CCSER1: variants seen among roughly 807,000 people sequenced by gnomAD.
CCSER1 encodes coiled-coil serine rich protein 1.
In CCSER1, 41 loss-of-function variants were observed where a neutral mutation model predicts 82.0. That is an observed-to-expected ratio of 0.50 (90% CI 0.39 to 0.65). The LOEUF is 0.65. CCSER1 is among the 30% of genes least tolerant of loss of function. CCSER1 has a pLI of 0.00. For missense variants in CCSER1, 1,119 were observed against 1,064.2 expected, an observed-to-expected ratio of 1.05 and a Z score of -0.72; for synonymous variants, 414 against 383.9, an observed-to-expected ratio of 1.08 and a Z score of -0.92.
chr4:90,906,162 G>A (rs993173923), intron 8 of CCSER1, among the ~76,000 whole-genome samples: 2 of 152,010 alleles, frequency 1.3e-5, no homozygotes, highest in Admixed American at 6.6e-5. Context: ...AATCTCTTTA[G>A]GTTTTCTGTC....
At chr4:91,199,580 A>G (rs996356599) in intron 10 of CCSER1, among the ~76,000 whole-genome samples, 4 of 152,072 alleles carry the variant, frequency 2.6e-5, no homozygotes, top group African/African-American at 9.6e-5. Context: ...AGCCATTTGG[A>G]GCTTGTCTTG....
At chr4:90,337,930 A>G (rs925780701) in intron 3 of CCSER1, among the ~76,000 whole-genome samples, 2 of 152,108 alleles carry the variant, frequency 1.3e-5, no homozygotes, top group African/African-American at 2.4e-5. Context: ...CTGGTGCAAT[A>G]TGTTGTTTTG....
intron 10 of CCSER1, among the ~76,000 whole-genome samples, chr4:91,126,036 A>G (rs1277499984): frequency 2.6e-5 from 4 of 151,698 alleles, no homozygotes; most frequent in African/African-American, 4.8e-5. Context: ...ACTCATTGTT[A>G]TTACTCACAG....
At chr4:90,617,838 A>G (rs1282582786) in intron 5 of CCSER1, among the ~76,000 whole-genome samples, 1 of 152,004 alleles carries the variant, frequency 6.6e-6, no homozygotes, top group Admixed American at 6.6e-5. Flanking sequence ...AATCTCAAGG[A>G]TTTTTTTGTT....
At chr4:90,958,683 G>T (rs905180759) in intron 9 of CCSER1, among the ~76,000 whole-genome samples, 1 of 152,046 alleles carries the variant, frequency 6.6e-6, no homozygotes, top group Non-Finnish European at 1.5e-5. Context: ...TCGTGAACAG[G>T]ATTCATGTCC....
chr4:90,520,689 G>A (rs1772981755), intron 5 of CCSER1, among the ~76,000 whole-genome samples: 1 of 152,280 alleles, frequency 6.6e-6, no homozygotes, highest in Non-Finnish European at 1.5e-5. Context: ...GTTCTTTTAT[G>A]AAAGGTACTT....
At chr4:90,824,172 T>C (rs1357075233) in intron 8 of CCSER1, among the ~76,000 whole-genome samples, 1 of 152,034 alleles carries the variant, frequency 6.6e-6, no homozygotes, top group Non-Finnish European at 1.5e-5. Context: ...TTCGTGTTAT[T>C]CAACCTACTG....
intron 10 of CCSER1, among the ~76,000 whole-genome samples, chr4:91,385,622 T>A (rs2149343800): frequency 6.6e-6 from 1 of 151,800 alleles, no homozygotes; most frequent in East Asian, 1.9e-4. Context: ...ATTAGTAAAC[T>A]GAAAGGGGAC....
chr4:90,889,889 C>T lies in CCSER1; in HGVS notation c.2095-33481C>T, dbSNP rs1722711658. On this transcript the variant is annotated intron_variant, in intron 8 of 10. Transcript: ENST00000509176. The stretch of plus-strand genomic sequence containing the variant: ...ATAGTAGCTGACAGTATGGGTAGCA[C>T]AATAAAGTATGAAAAGTAGATAGGC... 2.6e-5 allele frequency among the ~76,000 whole-genome samples: 4 copies of T among 152,040 alleles called. No homozygotes were observed. The South Asian group carries it at 8.3e-4, about 32-fold the overall frequency.
At chr4:91,027,193 T>C (rs913409998) in intron 9 of CCSER1, among the ~76,000 whole-genome samples, 2 of 152,028 alleles carry the variant, frequency 1.3e-5, no homozygotes, top group African/African-American at 4.8e-5. Flanking sequence ...AATATAACTA[T>C]GTCCCATAGA....
At chr4:90,171,255 A>G (rs1396971843) in intron 1 of CCSER1, among the ~76,000 whole-genome samples, 1 of 151,816 alleles carries the variant, frequency 6.6e-6, no homozygotes, top group East Asian at 1.9e-4. Flanking sequence ...TAAAAAATTT[A>G]TACTAAGAGA....
intron 7 of CCSER1, among the ~76,000 whole-genome samples, chr4:90,799,091 G>A (rs890713581): frequency 2.0e-4 from 30 of 152,278 alleles, no homozygotes; most frequent in African/African-American, 5.5e-4. Context: ...ACAGCTTGGC[G>A]GTGAGGGGGG....
At chr4:90,596,725 A>G (rs1288538887) in intron 5 of CCSER1, among the ~76,000 whole-genome samples, 2 of 151,900 alleles carry the variant, frequency 1.3e-5, no homozygotes, top group Non-Finnish European at 2.9e-5. Context: ...TTACCAAAAA[A>G]AAGACAAACT....
intron 10 of CCSER1, among the ~76,000 whole-genome samples, chr4:91,392,345 A>C (rs1751701927): frequency 6.6e-6 from 1 of 150,632 alleles, no homozygotes; most frequent in Non-Finnish European, 1.5e-5. Context: ...ACTAGTTAGC[A>C]ATATGAAACC....
chr4:90,278,081 CTCATCATCATCAATCATTAGAG>C (rs372243189), intron 1 of CCSER1, among the ~76,000 whole-genome samples: 237 of 152,148 alleles, frequency 1.6e-3, no homozygotes, highest in African/African-American at 5.4e-3. Flanking sequence ...TGAAAAAATG[CTCATCATCATCAATCATTAGAG>C]AAATGCAAAT....
intron 10 of CCSER1, among the ~76,000 whole-genome samples, chr4:91,087,555 A>G (rs1160960437): frequency 1.3e-5 from 2 of 152,074 alleles, no homozygotes; most frequent in East Asian, 1.9e-4. Context: ...ATTGTTCTCA[A>G]AACTATTTTG....
At chr4:90,478,739 T>C (rs1765454686) in intron 5 of CCSER1, among the ~76,000 whole-genome samples, 1 of 151,434 alleles carries the variant, frequency 6.6e-6, no homozygotes, top group African/African-American at 2.4e-5. Context: ...TTCTTTTTTT[T>C]TTTTTTTTTT....
At chr4:91,555,774 T>C (rs932667495) in intron 10 of CCSER1, among the ~76,000 whole-genome samples, 1 of 151,212 alleles carries the variant, frequency 6.6e-6, no homozygotes, top group South Asian at 2.1e-4. Context: ...CAATGTATCT[T>C]TCTTCTTTGG....
At chr4:90,257,481 A>G (rs953652176) in intron 1 of CCSER1, among the ~76,000 whole-genome samples, 2 of 152,112 alleles carry the variant, frequency 1.3e-5, no homozygotes, top group African/African-American at 4.8e-5. Flanking sequence ...TCTAAATAGC[A>G]TAGCATGCTC....
Sources: allele counts gnomAD v4.1 joint callset (sites outside exome capture counted in the v4.1 genomes callset), GRCh38; gene constraint gnomAD v4.1.1; transcripts MANE v1.5; gene names NCBI Gene and HGNC (gene_info 2026-07-23, HGNC 2026-07-21).